Variants in CES5A observed in about 807,000 individuals in gnomAD.
CES5A encodes carboxylesterase 5.
CES5A carries 67 observed loss-of-function variants against 62.9 expected under a neutral mutation model. That is an observed-to-expected ratio of 1.07 (90% CI 0.88 to 1.31). The LOEUF (loss-of-function observed/expected upper bound fraction) is 1.31, where lower values mean the gene tolerates loss of function less well. Among genes scored for constraint, CES5A ranks in the 50% most tolerant of loss-of-function variants. CES5A has a pLI of 0.00. For missense variants in CES5A, 748 were observed against 708.5 expected (o/e 1.06, Z -0.63); for synonymous variants, 296 against 280.8 (o/e 1.05, Z -0.54).
chr16:55,860,831 C>A (rs2033337295), intron 7 of CES5A, among the ~76,000 whole-genome samples: 1 of 152,198 alleles, frequency 6.6e-6, no homozygotes, highest in South Asian at 2.1e-4. Context: ...ATATTGAAAT[C>A]TGAAAGATAA....
chr16:55,858,091 C>T (rs12449181), intron 8 of CES5A, among the ~76,000 whole-genome samples: 4 of 151,762 alleles, frequency 2.6e-5, no homozygotes, highest in Non-Finnish European at 4.4e-5. Flanking sequence ...CCCAGCTACT[C>T]GATAGGCTGA....
At chr16:55,911,841 T>C (rs1162978879) in intron 1 of CES5A, among the ~76,000 whole-genome samples, 1 of 152,192 alleles carries the variant, frequency 6.6e-6, no homozygotes, top group African/African-American at 2.4e-5. Context: ...TGAAGCCTCC[T>C]CTGAGCCAGC....
chr16:55,952,368 A>G lies in CES5A; in HGVS notation c.43-2466T>C, dbSNP rs73555839. Among the ~76,000 whole-genome samples, 431 of 152,198 alleles carry G rather than the reference A, an allele frequency of 2.8e-3. 1 individual carries two copies. The highest frequency in any genetic ancestry group is 0.01 in the African/African-American group (419 of 41,572). The stretch of plus-strand genomic sequence containing the variant: ...AGCTCTTCAGTTCAAGAAGTTAGAA[A>G]GAGAAAAACAAAATAAGCTCAGTGA... On this transcript the variant is annotated intron_variant, in intron 1 of 13. Transcript: ENST00000521992.
intron 10 of CES5A, among the ~76,000 whole-genome samples, chr16:55,852,365 A>G (rs1480802989): frequency 1.3e-5 from 2 of 152,110 alleles, no homozygotes; most frequent in African/African-American, 4.8e-5. Context: ...ATCCTTTTAC[A>G]TTCATTGGGA....
chr16:55,951,850 G>C (rs561272029), intron 1 of CES5A, among the ~76,000 whole-genome samples: 2 of 152,294 alleles, frequency 1.3e-5, no homozygotes, highest in East Asian at 1.9e-4. Context: ...ATCATGGTAA[G>C]AGACCTTATT....
At chr16:55,925,738 T>A (rs1190106445), upstream of CES5A, among the ~76,000 whole-genome samples, 1 of 152,058 alleles carries the variant, frequency 6.6e-6, no homozygotes, top group African/African-American at 2.4e-5. Flanking sequence ...GGTCATGATG[T>A]CAAGTGAAAT....
intron 1 of CES5A, among the ~76,000 whole-genome samples, chr16:55,904,551 A>G (rs2142444594): frequency 6.6e-6 from 1 of 152,280 alleles, no homozygotes; most frequent in East Asian, 1.9e-4. Context: ...TACTATTACC[A>G]CCACCTGACC....
At position 55,871,767 on chromosome 16, in the gene CES5A, G is replaced by A; in HGVS notation, c.279-4C>T. 2 of 1,613,780 alleles carry A rather than the reference G, an allele frequency of 1.2e-6. No individual in the cohort carries two copies. The highest frequency in any genetic ancestry group is 8.5e-7 in the Non-Finnish European group (1 of 1,179,770). On this transcript the variant is annotated splice_polypyrimidine_tract_variant and splice_region_variant and intron_variant, in intron 2 of 12. Coordinates refer to ENST00000290567, the MANE Select transcript of CES5A (RefSeq NM_001143685.2). ...CCACTCTGAGTTCTGGAGGCACCTT[G>A]GAGAAGGAGAGGAGAAAACCCTCAG...
intron 2 of CES5A, among the ~76,000 whole-genome samples, chr16:55,936,252 T>C (rs1261943878): frequency 6.6e-6 from 1 of 152,204 alleles, no homozygotes; most frequent in Non-Finnish European, 1.5e-5. Context: ...AAAGAATTAA[T>C]GGAAGAGAAA....
rs1439627968 is a variant in CES5A, at chr16:55,854,232, C to A, written c.1126-1204G>T. 7.2e-5 allele frequency among the ~76,000 whole-genome samples: 11 copies of A among 152,110 alleles called. No individual in the cohort carries two copies. In the East Asian group the frequency reaches 1.5e-3, roughly 21 times the overall value. ...CTACTTACTGTTTAAAAAGCAGCCC[C>A]TAGCATGCTACTGTGCCTAGGAGAA... is the stretch of plus-strand genomic sequence containing the variant. On this transcript the variant is annotated intron_variant, in intron 9 of 12. Coordinates refer to ENST00000290567, the MANE Select transcript of CES5A (RefSeq NM_001143685.2).
At chr16:55,880,201 G>A (rs2033746695), upstream of CES5A, among the ~76,000 whole-genome samples, 2 of 152,122 alleles carry the variant, frequency 1.3e-5, no homozygotes, top group Non-Finnish European at 2.9e-5. Flanking sequence ...GCCTCCCCTT[G>A]CACTGACAGC....
chr16:55,899,353 C>A (rs1354537231), intron 1 of CES5A, among the ~76,000 whole-genome samples: 2 of 152,178 alleles, frequency 1.3e-5, no homozygotes, highest in Non-Finnish European at 2.9e-5. Context: ...AGAAAAGCAC[C>A]TTGCCCTGCT....
At chr16:55,874,575 G>A (rs1019102540) in intron 1 of CES5A, among the ~76,000 whole-genome samples, 3 of 151,896 alleles carry the variant, frequency 2.0e-5, no homozygotes, top group Admixed American at 2.0e-4. Context: ...TGTGATTTTG[G>A]TGAGTTAGGT....
At chr16:55,886,769 A>G (rs191209960) in intron 1 of CES5A, among the ~76,000 whole-genome samples, 7 of 152,246 alleles carry the variant, frequency 4.6e-5, no homozygotes, top group Admixed American at 4.6e-4. Context: ...ATATGGATTT[A>G]TGGGTTTGCC....
In CES5A at chr16:55,846,777, G is replaced by T; in HGVS notation, c.1487C>A (p.Ala496Asp). Residue 496 changes from alanine to aspartate, a missense_variant, in exon 12 of 13, where the codon GCT (alanine) becomes GAT (aspartate). Coordinates refer to ENST00000290567, the MANE Select transcript of CES5A (RefSeq NM_001143685.2). The part of the protein sequence containing the change: ...RKMMKYWATF[A>D]RTGNPNGNDL... ...CGGGAGGTTTACTTACCCGGTTCGA[G>T]CAAAGGTAGCCCAGTATTTCATCAT... 6.2e-7 allele frequency: 1 copy of T among 1,614,156 alleles called. No homozygotes were observed. Among genetic ancestry groups the T allele is most frequent in the Non-Finnish European group, 8.5e-7 (1 of 1,180,016 alleles).
At chr16:55,885,198 C>T (rs936507482) in intron 1 of CES5A, among the ~76,000 whole-genome samples, 1 of 152,162 alleles carries the variant, frequency 6.6e-6, no homozygotes, top group Non-Finnish European at 1.5e-5. Context: ...ACAGCATTCC[C>T]CCTAATGTGG....
At chr16:55,883,237 C>T (rs1382046449) in intron 1 of CES5A, among the ~76,000 whole-genome samples, 1 of 152,112 alleles carries the variant, frequency 6.6e-6, no homozygotes, top group African/African-American at 2.4e-5. Flanking sequence ...TTGTGAAAGG[C>T]ACCACCACCA....
intron 2 of CES5A, among the ~76,000 whole-genome samples, chr16:55,938,048 C>T (rs2034396195): frequency 6.6e-6 from 1 of 152,126 alleles, no homozygotes; most frequent in Admixed American, 6.5e-5. Flanking sequence ...CAATTTTCTC[C>T]TCCTCGAATA....
At chr16:55,896,026 G>A (rs2142437429) in intron 1 of CES5A, among the ~76,000 whole-genome samples, 1 of 152,276 alleles carries the variant, frequency 6.6e-6, no homozygotes, top group South Asian at 2.1e-4. Flanking sequence ...TTCTCATGCT[G>A]CTAATAAAGA....
Sources: gnomAD v4.1 joint callset for allele counts (sites outside exome capture counted in the v4.1 genomes callset) on GRCh38, gnomAD v4.1.1 for gene constraint, MANE v1.5 for transcripts, NCBI Gene and HGNC (gene_info 2026-07-23, HGNC 2026-07-21) for gene names.